Variants in CPNE4 observed in about 807,000 individuals in gnomAD.
CPNE4 encodes copine 4.
CPNE4 carries 25 observed loss-of-function variants against 67.9 expected under a neutral mutation model. The ratio of observed to expected loss-of-function variants is 0.37; its 90% CI spans 0.27 to 0.51. CPNE4 has a LOEUF of 0.51. CPNE4 is among the 20% of genes least tolerant of loss of function. The pLI, the probability that CPNE4 is intolerant of heterozygous loss-of-function variation, is 0.93. For synonymous variants in CPNE4, 242 were observed against 244.9 expected, an observed-to-expected ratio of 0.99 and a Z score of 0.11; for missense variants, 464 against 690.8, an observed-to-expected ratio of 0.67 and a Z score of 3.68.
chr3:131,951,980 G>A (rs1275631131), intron 1 of CPNE4, among the ~76,000 whole-genome samples: 28 of 149,572 alleles, frequency 1.9e-4, no homozygotes, highest in South Asian at 4.2e-4. Context: ...CTGCCCAGCC[G>A]CCACCCCGTC....
chr3:131,788,292 G>C (rs2083619749), intron 2 of CPNE4, among the ~76,000 whole-genome samples: 1 of 151,798 alleles, frequency 6.6e-6, no homozygotes, highest in African/African-American at 2.4e-5. Context: ...AATAAATAAA[G>C]AAGTTATGCA....
chr3:131,963,828 G>C (rs1417106342), intron 1 of CPNE4, among the ~76,000 whole-genome samples: 3 of 152,182 alleles, frequency 2.0e-5, no homozygotes, highest in Non-Finnish European at 2.9e-5. Flanking sequence ...AAATATTCCT[G>C]CCTGCTGGCT....
At chr3:131,653,846 C>A (rs1436259659) in intron 7 of CPNE4, among the ~76,000 whole-genome samples, 1 of 152,152 alleles carries the variant, frequency 6.6e-6, no homozygotes, top group Non-Finnish European at 1.5e-5. Flanking sequence ...ATGCAACTTA[C>A]ACGTCAGCAG....
intron 2 of CPNE4, among the ~76,000 whole-genome samples, chr3:131,801,416 G>A (rs1297513184): frequency 3.4e-5 from 1 of 29,064 alleles, no homozygotes; most frequent in African/African-American, 9.5e-5. Context: ...ACATATATAC[G>A]TGTGTGTGTG....
chr3:131,744,388 G>C (rs1417941122), intron 2 of CPNE4, among the ~76,000 whole-genome samples: 4 of 150,342 alleles, frequency 2.7e-5, no homozygotes, highest in African/African-American at 4.9e-5. Context: ...TTTTTATTTT[G>C]TGTCAGTTGT....
At chr3:131,918,897 T>C (rs1215039294) in intron 1 of CPNE4, among the ~76,000 whole-genome samples, 1 of 152,186 alleles carries the variant, frequency 6.6e-6, no homozygotes, top group Non-Finnish European at 1.5e-5. Flanking sequence ...ATTTTTAAAA[T>C]GCTAGAGGCT....
chr3:131,569,343 G>T (rs1041983311), intron 10 of CPNE4, among the ~76,000 whole-genome samples: 4 of 141,198 alleles, frequency 2.8e-5, no homozygotes, highest in African/African-American at 9.8e-5. Context: ...GGTTAGAAAA[G>T]ATTTCCTGAG....
chr3:131,883,675 A>C (rs2087766253), intron 2 of CPNE4, among the ~76,000 whole-genome samples: 2 of 151,586 alleles, frequency 1.3e-5, no homozygotes, highest in Admixed American at 6.6e-5. Context: ...TTCTTATACC[A>C]GTGCCTCATA....
chr3:131,605,429 A>G (rs1279613098), intron 7 of CPNE4, among the ~76,000 whole-genome samples: 4 of 152,022 alleles, frequency 2.6e-5, no homozygotes, highest in Non-Finnish European at 5.9e-5. Context: ...TATTGTTCCC[A>G]TCTTATAATC....
chr3:131,644,289 A>G (rs942184370), intron 7 of CPNE4, among the ~76,000 whole-genome samples: 5 of 152,016 alleles, frequency 3.3e-5, no homozygotes, highest in Non-Finnish European at 7.4e-5. Flanking sequence ...CTGGGACTAC[A>G]GGTGCCCGCC....
intron 1 of CPNE4, among the ~76,000 whole-genome samples, chr3:131,962,051 T>C (rs1583522380): frequency 6.6e-6 from 1 of 152,328 alleles, no homozygotes; most frequent in Admixed American, 6.5e-5. Flanking sequence ...AAGTACTAGA[T>C]TGTTTGAAAT....
At chr3:131,789,135 A>T (rs1046437951) in intron 2 of CPNE4, among the ~76,000 whole-genome samples, 1 of 152,004 alleles carries the variant, frequency 6.6e-6, no homozygotes, top group Admixed American at 6.6e-5. Flanking sequence ...CACCCATCTT[A>T]GGCTACTCAT....
At chr3:131,626,254 G>A (rs1005694316) in intron 7 of CPNE4, among the ~76,000 whole-genome samples, 1 of 152,232 alleles carries the variant, frequency 6.6e-6, no homozygotes, top group Non-Finnish European at 1.5e-5. Context: ...ATTAAGCTTG[G>A]TGGGGAAGGC....
intron 7 of CPNE4, among the ~76,000 whole-genome samples, chr3:131,641,554 C>T (rs1447428312): frequency 6.6e-6 from 1 of 152,140 alleles, no homozygotes; most frequent in African/African-American, 2.4e-5. Context: ...AACACTTTTA[C>T]ACTGATAGTG....
chr3:131,775,904 A>G (rs1237145393), intron 2 of CPNE4, among the ~76,000 whole-genome samples: 1 of 152,200 alleles, frequency 6.6e-6, no homozygotes, highest in Non-Finnish European at 1.5e-5. Flanking sequence ...AAAGCACATC[A>G]TGAAGATAAA....
At chr3:131,762,043 C>G (rs1030535692) in intron 2 of CPNE4, among the ~76,000 whole-genome samples, 2 of 152,014 alleles carry the variant, frequency 1.3e-5, no homozygotes, top group African/African-American at 4.8e-5. Context: ...CACCATGATG[C>G]TTATTTTATT....
At chr3:131,570,085 A>G (rs946596122) in intron 10 of CPNE4, among the ~76,000 whole-genome samples, 1 of 151,790 alleles carries the variant, frequency 6.6e-6, no homozygotes, top group African/African-American at 2.4e-5. Flanking sequence ...TATAATTTAA[A>G]TAGGCTTTAT....
chr3:131,699,590 G>A (rs546840752), intron 4 of CPNE4, among the ~76,000 whole-genome samples: 7 of 152,280 alleles, frequency 4.6e-5, no homozygotes, highest in Middle Eastern at 3.4e-3. Flanking sequence ...AGACAATTCC[G>A]TAATCTCACT....
intron 2 of CPNE4, among the ~76,000 whole-genome samples, chr3:131,733,684 C>T (rs2082176309): frequency 6.6e-6 from 1 of 152,204 alleles, no homozygotes; most frequent in Admixed American, 6.5e-5. Context: ...ACTGTCAGAT[C>T]CTCAGTTTAT....
Sources: allele counts gnomAD v4.1 joint callset (sites outside exome capture counted in the v4.1 genomes callset), GRCh38; gene constraint gnomAD v4.1.1; transcripts MANE v1.5; gene names NCBI Gene and HGNC (gene_info 2026-07-23, HGNC 2026-07-21).